PLBD1: variants seen among roughly 807,000 people sequenced by gnomAD.
PLBD1 encodes phospholipase B domain containing 1.
PLBD1 carries 60 observed loss-of-function variants against 63.0 expected under a neutral mutation model. The observed-to-expected ratio is 0.95, with a 90% confidence interval of 0.77 to 1.18. The LOEUF (loss-of-function observed/expected upper bound fraction) is 1.18, where lower values mean the gene tolerates loss of function less well. Among genes scored for constraint, PLBD1 ranks in the 50% most tolerant of loss-of-function variants. PLBD1 has a pLI of 0.00. For missense variants in PLBD1, 598 were observed against 677.9 expected (o/e 0.88, Z 1.31); for synonymous variants, 262 against 248.0 (o/e 1.06, Z -0.53).
chr12:14,524,474 A>G (rs909227420), intron 6 of PLBD1, among the ~76,000 whole-genome samples: 1 of 152,214 alleles, frequency 6.6e-6, no homozygotes, highest in African/African-American at 2.4e-5. Flanking sequence ...TCTCAAAAAT[A>G]CACATTTCAG....
At chr12:14,513,332 C>G (rs1314453889) in intron 6 of PLBD1, among the ~76,000 whole-genome samples, 1 of 152,184 alleles carries the variant, frequency 6.6e-6, no homozygotes, top group Non-Finnish European at 1.5e-5. Flanking sequence ...TTAACTTACC[C>G]TTGTCATATA....
At chr12:14,544,598 C>T (rs927897228) in intron 2 of PLBD1, among the ~76,000 whole-genome samples, 1 of 152,158 alleles carries the variant, frequency 6.6e-6, no homozygotes, top group Non-Finnish European at 1.5e-5. Flanking sequence ...AATCTAATTG[C>T]TATGTCTAAT....
intron 1 of PLBD1, among the ~76,000 whole-genome samples, chr12:14,567,277 A>C (rs1348761941): frequency 2.6e-5 from 4 of 152,348 alleles, no homozygotes; most frequent in African/African-American, 9.6e-5. Context: ...CATTGGCTGG[A>C]GTTTTTAAGA....
At chr12:14,504,164 C>T (rs1945230100) in intron 10 of PLBD1, among the ~76,000 whole-genome samples, 2 of 152,180 alleles carry the variant, frequency 1.3e-5, no homozygotes, top group Admixed American at 6.5e-5. Context: ...ATTCTCCTGC[C>T]TCAGCCTCCC....
chr12:14,522,296 C>T (rs763461171), intron 6 of PLBD1, among the ~76,000 whole-genome samples: 11 of 151,910 alleles, frequency 7.2e-5, no homozygotes, highest in Admixed American at 5.9e-4. Context: ...TAAAACTTAA[C>T]GAAAATTGAA....
chr12:14,547,410 C>T (rs1380386371), intron 2 of PLBD1, among the ~76,000 whole-genome samples: 5 of 152,084 alleles, frequency 3.3e-5, no homozygotes, highest in African/African-American at 1.2e-4. Context: ...TTCTGTGTGG[C>T]AGAGCAATGT....
intron 1 of PLBD1, among the ~76,000 whole-genome samples, chr12:14,555,277 C>A (rs1945693588): frequency 6.6e-6 from 1 of 152,172 alleles, no homozygotes; most frequent in African/African-American, 2.4e-5. Flanking sequence ...GTGGCTCACA[C>A]CTGTAATCCC....
Position 14,507,035 on chromosome 12 carries a change from A to C in PLBD1, c.1270T>G (p.Leu424Val). 3.1e-6 allele frequency: 5 copies of C among 1,614,088 alleles called. No homozygotes were observed. Among genetic ancestry groups the C allele is most frequent in the Admixed American group, 1.7e-5 (1 of 60,020 alleles). The change falls in exon 9 of 11, where the codon TTG (leucine) becomes GTG (valine). Residue 424 changes from leucine to valine, a missense_variant. Leu to Val is a conservative substitution (Grantham distance 32, BLOSUM62 1). Coordinates refer to ENST00000240617, the MANE Select transcript of PLBD1 (RefSeq NM_024829.6). ...GGAGCTAAATCATAAGAGTAGTCCA[A>C]GCCCAGCTTCTGAACTAACAGTGGA... ...GYPLLVQKLG[L>V]DYSYDLAPRA...
At chr12:14,522,835 C>G (rs991643035) in intron 6 of PLBD1, among the ~76,000 whole-genome samples, 1 of 151,988 alleles carries the variant, frequency 6.6e-6, no homozygotes, top group Non-Finnish European at 1.5e-5. Context: ...TAAACACTCT[C>G]AACAAAACAG....
intron 6 of PLBD1, among the ~76,000 whole-genome samples, chr12:14,524,143 C>T (rs1023442858): frequency 6.6e-6 from 1 of 152,088 alleles, no homozygotes; most frequent in African/African-American, 2.4e-5. Context: ...CAATGCTTAC[C>T]AGCAGCTGGG....
At chr12:14,515,418 A>C (rs1177902626) in intron 6 of PLBD1, among the ~76,000 whole-genome samples, 1 of 152,104 alleles carries the variant, frequency 6.6e-6, no homozygotes, top group South Asian at 2.1e-4. Flanking sequence ...TAAAAAAAAA[A>C]CAGAAATTAA....
intron 6 of PLBD1, among the ~76,000 whole-genome samples, chr12:14,523,137 C>A (rs1945389713): frequency 6.6e-6 from 1 of 151,964 alleles, no homozygotes; most frequent in Non-Finnish European, 1.5e-5. Context: ...ACTGTTAGAA[C>A]TAATAAGTAA....
At chr12:14,531,752 T>TC (rs1448669825) in intron 6 of PLBD1, among the ~76,000 whole-genome samples, 2 of 152,274 alleles carry the variant, frequency 1.3e-5, no homozygotes, top group Non-Finnish European at 2.9e-5. Flanking sequence ...AGCCTCAGCC[T>TC]CCCAAATAGC....
intron 1 of PLBD1, among the ~76,000 whole-genome samples, chr12:14,564,571 T>C (rs1945766171): frequency 6.6e-6 from 1 of 152,244 alleles, no homozygotes; most frequent in South Asian, 2.1e-4. Flanking sequence ...AGAAAGTGCC[T>C]AGAGCAGACC....
intron 2 of PLBD1, among the ~76,000 whole-genome samples, chr12:14,549,561 A>G: frequency 6.6e-6 from 1 of 152,108 alleles, no homozygotes; most frequent in Admixed American, 6.5e-5. Flanking sequence ...GTAGAGAAGG[A>G]CTGTTGGGAG....
In PLBD1 at chr12:14,503,804, TG is replaced by T. The variant is rs749791935; in HGVS notation, c.1629del (p.Met544Ter). 1.4e-5 allele frequency: 23 copies of T among 1,613,680 alleles called. No homozygotes were observed. Among genetic ancestry groups the T allele is most frequent in the Non-Finnish European group, 1.8e-5 (21 of 1,179,786 alleles). On this transcript the variant is annotated frameshift_variant, in exon 11 of 11. Transcript: ENST00000240617. LOFTEE classifies it high-confidence loss of function. ...MPEVYNFDFITMKPILKLDIK is the reference protein window; with the variant it reads ...MPEVYNFDFIXMKPILKLDIK The stretch of plus-strand genomic sequence containing the variant: ...ATATCAAGTTTCAAAATTGGTTTCA[TG>T]GTAATAAAATCAAAGTTGTAGACCT...
At chr12:14,554,382 C>G (rs1452108846) in intron 1 of PLBD1, 1 of 152,190 alleles carries the variant, frequency 6.6e-6, no homozygotes, top group African/African-American at 2.4e-5. Flanking sequence ...TTAACATGCT[C>G]CATTGTCTCA....
chr12:14,553,480 A>G (rs1351481528), intron 1 of PLBD1, 68 bp from the exon 2 acceptor site: 4 of 1,208,498 alleles, frequency 3.3e-6, no homozygotes, highest in African/African-American at 1.5e-5. Flanking sequence ...TTTCCTATGT[A>G]TCCAACAATT....
chr12:14,531,342 C>T (rs1391974023), intron 6 of PLBD1: 1 of 152,124 alleles, frequency 6.6e-6, no homozygotes, highest in Non-Finnish European at 1.5e-5. Flanking sequence ...TGTTTTGAAA[C>T]AACACAGATC....
Sources: gnomAD v4.1 joint callset for allele counts (sites outside exome capture counted in the v4.1 genomes callset) on GRCh38, gnomAD v4.1.1 for gene constraint, MANE v1.5 for transcripts, NCBI Gene and HGNC (gene_info 2026-07-23, HGNC 2026-07-21) for gene names.